CA10: variants seen among roughly 807,000 people sequenced by gnomAD.
CA10 encodes carbonic anhydrase-related protein 10.
In CA10, 14 loss-of-function variants were observed where a neutral mutation model predicts 44.2. The observed-to-expected ratio is 0.32, with a 90% CI of 0.21 to 0.50. CA10 has a LOEUF of 0.50. CA10 is among the 20% of genes least tolerant of loss of function. The probability of loss-of-function intolerance (pLI) is 0.99; values close to 1 mark genes in which losing one functional copy is unlikely to be tolerated. For missense variants in CA10, 350 were observed against 409.7 expected (o/e 0.85, Z 1.26); for synonymous variants, 159 against 141.6 (o/e 1.12, Z -0.87).
intron 2 of CA10, among the ~76,000 whole-genome samples, chr17:52,016,410 T>C (rs977401585): frequency 7.9e-5 from 12 of 152,112 alleles, no homozygotes. Context: ...ACTCGGTAAA[T>C]GTATTCATTG....
At chr17:52,114,862 T>G (rs1420454797) in intron 1 of CA10, among the ~76,000 whole-genome samples, 1 of 152,214 alleles carries the variant, frequency 6.6e-6, no homozygotes, top group Non-Finnish European at 1.5e-5. Flanking sequence ...CTATTAGTGT[T>G]GACCAATGTC....
At chr17:52,150,852 T>A (rs1279186476) in intron 1 of CA10, among the ~76,000 whole-genome samples, 3 of 152,158 alleles carry the variant, frequency 2.0e-5, no homozygotes, top group African/African-American at 7.2e-5. Context: ...AAATTGAAGA[T>A]ATTTGTATTT....
At chr17:51,864,333 T>C (rs1347549229) in intron 3 of CA10, among the ~76,000 whole-genome samples, 2 of 152,192 alleles carry the variant, frequency 1.3e-5, no homozygotes, top group East Asian at 1.9e-4. Flanking sequence ...AAGTGGTCCA[T>C]AAATATTTGC....
chr17:52,060,736 A>G lies in CA10; in HGVS notation c.136+11583T>C, dbSNP rs188590155. Among the ~76,000 whole-genome samples, 41 of 152,290 alleles carry G rather than the reference A, an allele frequency of 2.7e-4. 1 individual carries two copies. In the East Asian group the frequency reaches 7.9e-3, roughly 29 times the overall value. ...CCTGTAGTTCATTTTTTTCTAGAAG[A>G]TAAGCAGAACAGTACTATTGTCTAT... On this transcript the variant is annotated intron_variant, in intron 2 of 8. Coordinates refer to ENST00000451037, the MANE Select transcript of CA10 (RefSeq NM_020178.5).
chr17:51,974,085 A>C (rs968770453), intron 2 of CA10, among the ~76,000 whole-genome samples: 2 of 152,114 alleles, frequency 1.3e-5, no homozygotes, highest in African/African-American at 4.8e-5. Context: ...CTACAAGATA[A>C]ATTTTTAAAG....
chr17:51,715,253 T>A, intron 4 of CA10, among the ~76,000 whole-genome samples: 1 of 151,930 alleles, frequency 6.6e-6, no homozygotes, highest in South Asian at 2.1e-4. Flanking sequence ...CATTAGGAGA[T>A]ATACCTAATG....
intron 3 of CA10, among the ~76,000 whole-genome samples, chr17:51,803,074 C>T (rs1289290581): frequency 6.6e-6 from 1 of 152,184 alleles, no homozygotes; most frequent in Non-Finnish European, 1.5e-5. Flanking sequence ...TAGGCTAACA[C>T]AGAGCAAACC....
chr17:52,104,485 T>G (rs1246383978), intron 1 of CA10, among the ~76,000 whole-genome samples: 1 of 152,134 alleles, frequency 6.6e-6, no homozygotes, highest in Non-Finnish European at 1.5e-5. Context: ...ATTATAGGTT[T>G]GAGCCACTGT....
chr17:52,123,868 C>T (rs1989064128), intron 1 of CA10, among the ~76,000 whole-genome samples: 1 of 152,106 alleles, frequency 6.6e-6, no homozygotes, highest in Admixed American at 6.6e-5. Context: ...GATTAGAAAA[C>T]CATATTAAGA....
chr17:51,938,361 C>T (rs947848428), intron 2 of CA10, among the ~76,000 whole-genome samples: 2 of 152,044 alleles, frequency 1.3e-5, no homozygotes, highest in East Asian at 1.9e-4. Flanking sequence ...GTGAAGGATC[C>T]AGGCAGAAGG....
At chr17:51,813,903 T>C (rs1397567457) in intron 3 of CA10, among the ~76,000 whole-genome samples, 3 of 152,220 alleles carry the variant, frequency 2.0e-5, no homozygotes, top group African/African-American at 7.2e-5. Context: ...TAGCACTCTT[T>C]CTTCAATGTT....
chr17:51,849,783 G>A (rs757830979), intron 3 of CA10, among the ~76,000 whole-genome samples: 13 of 152,114 alleles, frequency 8.5e-5, no homozygotes, highest in Admixed American at 2.0e-4. Context: ...AAAACCACTC[G>A]GGAAATGGGC....
At chr17:51,897,100 G>A (rs577364025) in intron 3 of CA10, among the ~76,000 whole-genome samples, 7 of 151,950 alleles carry the variant, frequency 4.6e-5, no homozygotes, top group Admixed American at 2.6e-4. Flanking sequence ...CAATTTTGTT[G>A]CTGTTGCAAT....
At chr17:52,050,991 GGGAAGGAA>G (rs528583103) in intron 2 of CA10, among the ~76,000 whole-genome samples, 36 of 148,456 alleles carry the variant, frequency 2.4e-4, no homozygotes, top group South Asian at 1.1e-3. Context: ...AGAAAAAAAA[GGGAAGGAA>G]GGAAGGAAGG....
chr17:52,050,810 A>AATGT (rs1987043088), intron 2 of CA10, among the ~76,000 whole-genome samples: 1 of 152,046 alleles, frequency 6.6e-6, no homozygotes, highest in African/African-American at 2.4e-5. Context: ...TCCTTCATAG[A>AATGT]ATGTGCATAC....
intron 2 of CA10, among the ~76,000 whole-genome samples, chr17:51,994,249 C>A (rs1330959954): frequency 2.8e-5 from 3 of 108,042 alleles, no homozygotes; most frequent in Non-Finnish European, 5.7e-5. Flanking sequence ...GATACATAAT[C>A]CAAGAGTTTT....
At chr17:51,971,737 T>C (rs745983468) in intron 2 of CA10, among the ~76,000 whole-genome samples, 1 of 152,074 alleles carries the variant, frequency 6.6e-6, no homozygotes. Context: ...TTGTGTTTTA[T>C]AGTGTCCTGT....
chr17:51,958,118 T>A (rs1400661199), intron 2 of CA10, among the ~76,000 whole-genome samples: 1 of 152,136 alleles, frequency 6.6e-6, no homozygotes, highest in Non-Finnish European at 1.5e-5. Context: ...TAGTAAGTGT[T>A]CAATGTGAAG....
intron 1 of CA10, among the ~76,000 whole-genome samples, chr17:52,133,494 G>A (rs566092379): frequency 6.6e-6 from 1 of 152,268 alleles, no homozygotes; most frequent in South Asian, 2.1e-4. Context: ...TTCAGGATTT[G>A]GGGAGAGCAA....
Sources: gnomAD v4.1 joint callset for allele counts (sites outside exome capture counted in the v4.1 genomes callset) on GRCh38, gnomAD v4.1.1 for gene constraint, MANE v1.5 for transcripts, NCBI Gene and HGNC (gene_info 2026-07-23, HGNC 2026-07-21) for gene names.